The following PRP4K variants were observed in gnomAD, a reference collection of about 807,000 sequenced individuals.
The protein encoded by PRP4K is serine/threonine-protein kinase PRP4 homolog.
At chr6:4,037,715 T>C in the PRP4K span, 4 of 642,514 alleles carry the variant, frequency 6.2e-6, no homozygotes, top group Non-Finnish European at 9.8e-6. Context: ...CAGCAATCTC[T>C]ACACATGGGT....
the PRP4K span, chr6:4,052,136 T>C: frequency 6.6e-7 from 1 of 1,510,946 alleles, no homozygotes; most frequent in Non-Finnish European, 8.9e-7. Context: ...AAATTTAACT[T>C]CTTCATCTTT....
chr6:4,044,864 T>TTA, the PRP4K span, among the ~76,000 whole-genome samples: 2,227 of 33,120 alleles, frequency 0.067, 39 homozygotes, highest in African/African-American at 0.13. Context: ...ATTATTATTA[T>TTA]TTTTTTTTTT....
At chr6:4,030,131 G>A in the PRP4K span, among the ~76,000 whole-genome samples, 1 of 151,700 alleles carries the variant, frequency 6.6e-6, no homozygotes, top group Non-Finnish European at 1.5e-5. Flanking sequence ...TTAGTAGAGA[G>A]GGGGTTTCCC....
the PRP4K span, among the ~76,000 whole-genome samples, chr6:4,046,734 T>G: frequency 6.6e-6 from 1 of 151,856 alleles, no homozygotes; most frequent in Admixed American, 6.6e-5. Flanking sequence ...CTCAGCTCAC[T>G]GCTACCTCCC....
the PRP4K span, chr6:4,057,108 G>C: frequency 6.2e-7 from 1 of 1,612,880 alleles, no homozygotes; most frequent in Non-Finnish European, 8.5e-7. Context: ...CTCTATACTG[G>C]AAAAATTTTA....
the PRP4K span, chr6:4,049,809 G>A: frequency 2.5e-6 from 4 of 1,613,976 alleles, no homozygotes; most frequent in Non-Finnish European, 3.4e-6. Flanking sequence ...CAGTAATGTT[G>A]TACGAGCCAG....
At chr6:4,050,926 G>C in the PRP4K span, among the ~76,000 whole-genome samples, 1 of 152,102 alleles carries the variant, frequency 6.6e-6, no homozygotes, top group African/African-American at 2.4e-5. Flanking sequence ...TTTTGAGACA[G>C]GGTTTTGCTC....
At chr6:4,055,449 C>T in the PRP4K span, among the ~76,000 whole-genome samples, 1 of 152,188 alleles carries the variant, frequency 6.6e-6, no homozygotes, top group Non-Finnish European at 1.5e-5. Flanking sequence ...AGTCCAGTCT[C>T]CCCATAGAGA....
At chr6:4,049,419 C>A in the PRP4K span, 1 of 448,170 alleles carries the variant, frequency 2.2e-6, no homozygotes, top group Non-Finnish European at 3.9e-6. Flanking sequence ...CCAAGAAAAA[C>A]GACAAACAGG....
the PRP4K span, chr6:4,021,311 C>A: frequency 7.1e-7 from 1 of 1,407,958 alleles, no homozygotes; most frequent in Middle Eastern, 1.8e-4. Context: ...GAACCCAGCT[C>A]TTCCCTACAC....
At chr6:4,026,811 A>G in the PRP4K span, among the ~76,000 whole-genome samples, 5 of 152,324 alleles carry the variant, frequency 3.3e-5, no homozygotes, top group African/African-American at 9.6e-5. Context: ...CAGAAGGAGA[A>G]TATGTGTGCA....
chr6:4,042,830 GTTTGC>G, the PRP4K span, among the ~76,000 whole-genome samples: 3 of 152,090 alleles, frequency 2.0e-5, no homozygotes, highest in African/African-American at 7.2e-5. Context: ...AGAATCTGAA[GTTTGC>G]TTTCTTTTTA....
the PRP4K span, among the ~76,000 whole-genome samples, chr6:4,047,924 ACAC>A: frequency 6.6e-6 from 1 of 151,056 alleles, no homozygotes; most frequent in Non-Finnish European, 1.5e-5. Context: ...ACACACACAC[ACAC>A]ACACACACAC....
chr6:4,022,304 G>GAAAAAAAAAA, the PRP4K span, among the ~76,000 whole-genome samples: 1 of 137,378 alleles, frequency 7.3e-6, no homozygotes, highest in Non-Finnish European at 1.6e-5. Flanking sequence ...AATGAAAAAT[G>GAAAAAAAAAA]AAAAAAAAAA....
chr6:4,047,397 C>A, the PRP4K span: 1 of 717,490 alleles, frequency 1.4e-6, no homozygotes, highest in Non-Finnish European at 2.2e-6. Flanking sequence ...ACTAGTTTTG[C>A]ATCTTATAAG....
At chr6:4,057,155 G>C in the PRP4K span, 1 of 1,612,730 alleles carries the variant, frequency 6.2e-7, no homozygotes, top group Non-Finnish European at 8.5e-7. Context: ...GCTGAAGCTT[G>C]CAATGGATCT....
the PRP4K span, among the ~76,000 whole-genome samples, chr6:4,040,398 A>G: frequency 6.6e-6 from 1 of 152,134 alleles, no homozygotes; most frequent in African/African-American, 2.4e-5. Context: ...CCTTCACTCC[A>G]GTGCCTGTGT....
At chr6:4,031,702 A>G in the PRP4K span, 39 of 1,603,236 alleles carry the variant, frequency 2.4e-5, no homozygotes, top group Non-Finnish European at 2.5e-5. Context: ...CATTCCTCAG[A>G]AGAAGACAAG....
the PRP4K span, among the ~76,000 whole-genome samples, chr6:4,054,201 C>G: frequency 6.6e-6 from 1 of 151,892 alleles, no homozygotes; most frequent in African/African-American, 2.4e-5. Flanking sequence ...CATGCTTGGC[C>G]AAGATAAATT....
Sources: allele counts gnomAD v4.1 joint callset (sites outside exome capture counted in the v4.1 genomes callset), GRCh38; gene constraint gnomAD v4.1.1; transcripts MANE v1.5; gene names NCBI Gene and HGNC (gene_info 2026-07-23, HGNC 2026-07-21).